NPAS3: variants seen among roughly 807,000 people sequenced by gnomAD.
NPAS3 encodes the protein neuronal PAS domain protein 3.
A neutral mutation model predicts 73.1 loss-of-function variants in NPAS3; 14 were observed. The ratio of observed to expected loss-of-function variants is 0.19; its 90% confidence interval spans 0.13 to 0.30. The LOEUF (loss-of-function observed/expected upper bound fraction) is 0.30. Among genes scored for constraint, NPAS3 ranks in the 10% least tolerant of loss-of-function variants. NPAS3 has a pLI of 1.00. For missense variants in NPAS3, 1,096 were observed against 1,250.0 expected (o/e 0.88, Z 1.86); for synonymous variants, 620 against 541.5 (o/e 1.14, Z -2.01).
At chr14:33,393,378 G>T (rs1772794471) in intron 4 of NPAS3, among the ~76,000 whole-genome samples, 1 of 152,164 alleles carries the variant, frequency 6.6e-6, no homozygotes, top group Non-Finnish European at 1.5e-5. Context: ...TTTATGGATG[G>T]TGTACATTAG....
chr14:33,083,334 T>C (rs1595404260), intron 2 of NPAS3, among the ~76,000 whole-genome samples: 1 of 151,980 alleles, frequency 6.6e-6, no homozygotes, highest in African/African-American at 2.4e-5. Context: ...CCTAAATCAC[T>C]GAAGATCCAA....
intron 3 of NPAS3, among the ~76,000 whole-genome samples, chr14:33,309,101 A>G (rs570479064): frequency 2.6e-5 from 4 of 152,356 alleles, no homozygotes; most frequent in Admixed American, 1.3e-4. Context: ...TCCAGTTGCT[A>G]CCAGTGCCTG....
At chr14:33,263,504 G>A (rs781588580) in intron 3 of NPAS3, among the ~76,000 whole-genome samples, 17 of 152,272 alleles carry the variant, frequency 1.1e-4, no homozygotes, top group Non-Finnish European at 1.5e-4. Context: ...CCAGTACCAC[G>A]CTGTTTTGGT....
intron 4 of NPAS3, among the ~76,000 whole-genome samples, chr14:33,421,648 T>C (rs2048362815): frequency 6.6e-6 from 1 of 151,956 alleles, no homozygotes; most frequent in African/African-American, 2.4e-5. Context: ...GGTAGTAAAT[T>C]ATTCTCTGTA....
At chr14:33,784,118 T>C (rs369523497) in intron 9 of NPAS3, among the ~76,000 whole-genome samples, 21 of 152,332 alleles carry the variant, frequency 1.4e-4, no homozygotes, top group African/African-American at 2.2e-4. Context: ...AGAGTATACA[T>C]AGTACTAATA....
chr14:33,394,901 C>T (rs2138657624), intron 4 of NPAS3, among the ~76,000 whole-genome samples: 1 of 152,226 alleles, frequency 6.6e-6, no homozygotes, highest in African/African-American at 2.4e-5. Flanking sequence ...AAAATATGCA[C>T]TCAGGTAAAT....
At chr14:33,201,300 G>GGTGTGTGTGTGTGTGTGTGTGTGTGT (rs34700439) in intron 2 of NPAS3, among the ~76,000 whole-genome samples, 557 of 151,030 alleles carry the variant, frequency 3.7e-3, no homozygotes, top group South Asian at 6.2e-3. Flanking sequence ...CCCTAACAAT[G>GGTGTGTGTGTGTGTGTGTGTGTGTGT]GTGTGTGTGT....
intron 4 of NPAS3, among the ~76,000 whole-genome samples, chr14:33,465,696 T>C (rs370960238): frequency 2.0e-5 from 3 of 151,518 alleles, no homozygotes; most frequent in East Asian, 1.9e-4. Flanking sequence ...AACTTCTATA[T>C]ACTAAATAAA....
intron 3 of NPAS3, among the ~76,000 whole-genome samples, chr14:33,361,544 A>C (rs1000058523): frequency 2.6e-5 from 4 of 152,208 alleles, no homozygotes; most frequent in Non-Finnish European, 5.9e-5. Context: ...AAGTATTAAA[A>C]TTTGCACAGT....
intron 3 of NPAS3, among the ~76,000 whole-genome samples, chr14:33,278,300 A>G (rs912935250): frequency 1.3e-5 from 2 of 152,276 alleles, no homozygotes; most frequent in Admixed American, 6.5e-5. Flanking sequence ...TATACATTTC[A>G]GAGTTATCAG....
intron 3 of NPAS3, among the ~76,000 whole-genome samples, chr14:33,246,023 T>C (rs902861887): frequency 3.9e-5 from 6 of 152,256 alleles, no homozygotes; most frequent in African/African-American, 1.2e-4. Flanking sequence ...AACTTTATAG[T>C]TGGCAGTGAG....
intron 1 of NPAS3, among the ~76,000 whole-genome samples, chr14:33,042,199 G>GCA (rs1319025844): frequency 6.6e-6 from 1 of 152,054 alleles, no homozygotes; most frequent in Non-Finnish European, 1.5e-5. Context: ...CCTCCATGCA[G>GCA]CACAATTCCT....
At position 33,652,958 on chromosome 14, in the gene NPAS3, T is replaced by C. The variant is rs138202068; in HGVS notation, c.559-23253T>C. ...TTTCCAAAGTGAACTGCCCTGAGGA[T>C]CAAGATGGGTGTGAAAAGCTGTTTT... On this transcript the variant is annotated intron_variant, in intron 5 of 11. Coordinates refer to ENST00000356141, the Ensembl canonical transcript of NPAS3. Among the ~76,000 whole-genome samples, 9 of 152,284 alleles carry C rather than the reference T, an allele frequency of 5.9e-5. 1 individual carries two copies. Among genetic ancestry groups the C allele is most frequent in the African/African-American group, 2.2e-4 (9 of 41,568 alleles).
At chr14:33,110,628 C>G (rs2042860678) in intron 2 of NPAS3, among the ~76,000 whole-genome samples, 1 of 152,066 alleles carries the variant, frequency 6.6e-6, no homozygotes, top group Admixed American at 6.6e-5. Flanking sequence ...ATTTACTTTG[C>G]ATCATTAAAA....
At chr14:33,539,165 A>G (rs147547178) in intron 4 of NPAS3, among the ~76,000 whole-genome samples, 6 of 152,188 alleles carry the variant, frequency 3.9e-5, no homozygotes, top group African/African-American at 1.4e-4. Flanking sequence ...TGCGGTGTGC[A>G]TGGGCTGAGC....
intron 1 of NPAS3, among the ~76,000 whole-genome samples, chr14:32,962,569 C>CTTTTTTTTTTTTTTTTTTTT (rs71432096): frequency 5.9e-4 from 65 of 110,608 alleles, no homozygotes; most frequent in East Asian, 9.3e-4. Flanking sequence ...TTTTTCTTTT[C>CTTTTTTTTTTTTTTTTTTTT]TTTTTTTTTT....
intron 4 of NPAS3, among the ~76,000 whole-genome samples, chr14:33,471,791 G>A (rs1466875542): frequency 1.3e-5 from 2 of 152,242 alleles, no homozygotes; most frequent in African/African-American, 4.8e-5. Context: ...TGACCCATTA[G>A]GAACTGGGCT....
chr14:33,126,922 T>C (rs996965887), intron 2 of NPAS3, among the ~76,000 whole-genome samples: 3 of 152,164 alleles, frequency 2.0e-5, no homozygotes, highest in African/African-American at 7.2e-5. Flanking sequence ...ATGTAACACA[T>C]GTAAGCTGTA....
At chr14:33,699,167 C>G (rs1338192482) in intron 6 of NPAS3, among the ~76,000 whole-genome samples, 1 of 152,148 alleles carries the variant, frequency 6.6e-6, no homozygotes, top group Admixed American at 6.6e-5. Flanking sequence ...AAAACATGTG[C>G]ATGTGTTAAC....
Sources: allele counts gnomAD v4.1 joint callset (sites outside exome capture counted in the v4.1 genomes callset), GRCh38; gene constraint gnomAD v4.1.1; transcripts MANE v1.5; gene names NCBI Gene and HGNC (gene_info 2026-07-23, HGNC 2026-07-21).